Variants in VSIG10 observed in about 807,000 individuals in gnomAD.
VSIG10 encodes the protein V-set and immunoglobulin domain containing 10, also known as V-set and immunoglobulin domain-containing protein 10.
VSIG10 carries 48 observed loss-of-function variants against 58.7 expected under a neutral mutation model. The ratio of observed to expected loss-of-function variants is 0.82; its 90% CI spans 0.65 to 1.04. The LOEUF is 1.04. VSIG10 is among the 50% of genes least tolerant of loss of function. VSIG10 has a pLI of 0.00. For synonymous variants in VSIG10, 260 were observed against 267.1 expected (o/e 0.97, Z 0.26); for missense variants, 628 against 670.0 (o/e 0.94, Z 0.69).
intron 2 of VSIG10, among the ~76,000 whole-genome samples, chr12:118,088,488 A>G (rs1003595118): frequency 5.3e-5 from 8 of 152,200 alleles, no homozygotes; most frequent in Non-Finnish European, 1.0e-4. Context: ...CACACAGACA[A>G]CAACAGCTAA....
chr12:118,094,597 T>C (rs7964114), intron 2 of VSIG10, among the ~76,000 whole-genome samples: 28,794 of 151,974 alleles, frequency 0.19, 3,423 homozygotes, highest in Middle Eastern at 0.32. Context: ...TTGGCCAGGC[T>C]GGTCTTGAAC....
intron 2 of VSIG10, among the ~76,000 whole-genome samples, chr12:118,085,883 A>G (rs2033109979): frequency 6.7e-6 from 1 of 150,334 alleles, no homozygotes; most frequent in African/African-American, 2.4e-5. Flanking sequence ...GGGCCCAGGC[A>G]TGATGGCTCA....
chr12:118,088,421 C>T (rs2033196410), intron 2 of VSIG10, among the ~76,000 whole-genome samples: 1 of 152,066 alleles, frequency 6.6e-6, no homozygotes, highest in South Asian at 2.1e-4. Flanking sequence ...TCCACCGTTA[C>T]CCTCAATTTC....
intron 4 of VSIG10, 56 bp downstream of exon 4, chr12:118,079,290 T>C: frequency 6.3e-7 from 1 of 1,591,418 alleles, no homozygotes; most frequent in Admixed American, 1.7e-5. Flanking sequence ...ATGCTTCTCC[T>C]AGGAGAAAGG....
chr12:118,094,862 A>C (rs1238308721), intron 2 of VSIG10, among the ~76,000 whole-genome samples: 1 of 150,284 alleles, frequency 6.7e-6, no homozygotes, highest in Non-Finnish European at 1.5e-5. Flanking sequence ...TCAGCCTCCC[A>C]AGTAGGAGGG....
chr12:118,094,996 C>T (rs2033406343), intron 2 of VSIG10, among the ~76,000 whole-genome samples: 1 of 152,070 alleles, frequency 6.6e-6, no homozygotes, highest in African/African-American at 2.4e-5. Flanking sequence ...CTCCGCCTCC[C>T]AGGTTCAAGC....
intron 2 of VSIG10, among the ~76,000 whole-genome samples, chr12:118,087,042 C>T (rs1319144039): frequency 6.8e-6 from 1 of 148,068 alleles, no homozygotes; most frequent in Non-Finnish European, 1.5e-5. Flanking sequence ...GGATTACAGG[C>T]GTGAGCCACC....
chr12:118,066,738 G>A, intron 8 of VSIG10, 44 bp from the exon 9 acceptor site: 1 of 1,533,430 alleles, frequency 6.5e-7, no homozygotes, highest in Non-Finnish European at 8.8e-7. Context: ...ATCAGAGTGT[G>A]ATTCTATTTC....
chr12:118,097,018 G>A (rs1033705577), intron 1 of VSIG10, among the ~76,000 whole-genome samples: 1 of 152,124 alleles, frequency 6.6e-6, no homozygotes, highest in Non-Finnish European at 1.5e-5. Context: ...CAGGCTGGGC[G>A]ACAGAGCGAG....
chr12:118,070,990 C>G, intron 7 of VSIG10, 62 bp downstream of exon 7: 1 of 1,574,318 alleles, frequency 6.4e-7, no homozygotes, highest in Non-Finnish European at 8.6e-7. Context: ...AGGAAGGGAA[C>G]AAAACAGAAG....
chr12:118,076,712 G>A (rs2032742894), intron 4 of VSIG10, among the ~76,000 whole-genome samples: 1 of 151,868 alleles, frequency 6.6e-6, no homozygotes, highest in East Asian at 1.9e-4. Context: ...CTGACACCCA[G>A]GCCTGGAGTG....
At chr12:118,076,266 C>A (rs2032721747) in intron 4 of VSIG10, among the ~76,000 whole-genome samples, 1 of 152,128 alleles carries the variant, frequency 6.6e-6, no homozygotes, top group South Asian at 2.1e-4. Context: ...GCAAGCTTTT[C>A]CAACCTGCAG....
rs2032197865 is a variant in VSIG10 at position 118,064,932 on chromosome 12, TA to T, written c.*1706del. 6.6e-6 allele frequency: 1 copy of T among 152,176 alleles called. No homozygotes were observed. The highest frequency in any genetic ancestry group is 1.5e-5 in the Non-Finnish European group (1 of 68,040). The allele number at this position is 152,176 out of a possible 1,614,324, so 9.4% of individuals were successfully genotyped here. Reference sequence around the variant, plus strand: ...CCTTTAAGCCCTAGGTCCTGCCCACTAGAGCAGATACGCAACATTAAAGAGT... The same window carrying T: ...CCTTTAAGCCCTAGGTCCTGCCCACTGAGCAGATACGCAACATTAAAGAGT... On this transcript the variant is annotated 3_prime_UTR_variant, in exon 9 of 9. Coordinates refer to ENST00000359236, the MANE Select transcript of VSIG10 (RefSeq NM_019086.6).
intron 7 of VSIG10, among the ~76,000 whole-genome samples, chr12:118,070,178 C>T (rs1457127597): frequency 6.6e-6 from 1 of 152,006 alleles, no homozygotes; most frequent in Non-Finnish European, 1.5e-5. Context: ...ACACAAGTTC[C>T]GTTTGGTTCC....
chr12:118,093,769 A>C (rs972654279), intron 2 of VSIG10, among the ~76,000 whole-genome samples: 2 of 151,444 alleles, frequency 1.3e-5, no homozygotes, highest in African/African-American at 4.9e-5. Context: ...ATTAGCCGGG[A>C]GAGTTGGCAG....
chr12:118,072,205 C>G (rs1323339518), intron 5 of VSIG10, among the ~76,000 whole-genome samples: 1 of 151,684 alleles, frequency 6.6e-6, no homozygotes, highest in African/African-American at 2.4e-5. Flanking sequence ...GTGGCTCACG[C>G]CTGTAATCCC....
intron 3 of VSIG10, among the ~76,000 whole-genome samples, chr12:118,081,595 G>A (rs2032950035): frequency 6.6e-6 from 1 of 152,130 alleles, no homozygotes; most frequent in Admixed American, 6.6e-5. Flanking sequence ...GCACTCTCCT[G>A]CACCCCTGCA....
Position 118,073,912 on chromosome 12 carries a change from C to A in VSIG10, c.1006G>T (p.Ala336Ser), listed in dbSNP as rs1443088323. 8.1e-6 allele frequency: 13 copies of A among 1,613,186 alleles called. No homozygotes were observed. The South Asian group carries it at 1.4e-4, about 18-fold the overall frequency. ...CACAGGATCTTGGCAGGGGGGTAGG[C>A]CCCAGACACCTGGCATGTAAGCGTC... ...NVTLTCQVSG[A>S]YPPAKILWLR... Residue 336 changes from alanine to serine, a missense_variant, in exon 5 of 9, where the codon GCC becomes TCC. Ala to Ser is a moderately conservative substitution (Grantham distance 99). Coordinates refer to ENST00000359236, the MANE Select transcript of VSIG10 (RefSeq NM_019086.6).
intron 2 of VSIG10, among the ~76,000 whole-genome samples, chr12:118,083,359 C>G (rs2033025752): frequency 6.6e-6 from 1 of 151,854 alleles, no homozygotes; most frequent in Admixed American, 6.6e-5. Context: ...AGGCAAATCA[C>G]TTGAGGTCAG....
Sources: gnomAD v4.1 joint callset for allele counts (sites outside exome capture counted in the v4.1 genomes callset) on GRCh38, gnomAD v4.1.1 for gene constraint, MANE v1.5 for transcripts, NCBI Gene and HGNC (gene_info 2026-07-23, HGNC 2026-07-21) for gene names.